Variants in PTPRC observed in about 807,000 individuals in gnomAD.
The protein encoded by PTPRC is receptor-type tyrosine-protein phosphatase C.
In PTPRC, 44 loss-of-function variants were observed where a neutral mutation model predicts 155.9. That is an observed-to-expected ratio of 0.28 (90% confidence interval 0.22 to 0.36). The LOEUF (loss-of-function observed/expected upper bound fraction) is 0.36, where lower values mean the gene tolerates loss of function less well. Among genes scored for constraint, PTPRC ranks in the 10% least tolerant of loss-of-function variants. The pLI, the probability that PTPRC is intolerant of heterozygous loss-of-function variation, is 1.00. For synonymous variants in PTPRC, 525 were observed against 533.1 expected, an observed-to-expected ratio of 0.98 and a Z score of 0.21; for missense variants, 1,401 against 1,564.6, an observed-to-expected ratio of 0.90 and a Z score of 1.76.
chr1:198,686,026 A>G (rs1665606006), intron 2 of PTPRC, among the ~76,000 whole-genome samples: 1 of 151,704 alleles, frequency 6.6e-6, no homozygotes. Flanking sequence ...TGCCGTTTTC[A>G]CTCAAATTGA....
chr1:198,739,165 G>C (rs1022689637), intron 23 of PTPRC, among the ~76,000 whole-genome samples: 5 of 151,484 alleles, frequency 3.3e-5, no homozygotes, highest in African/African-American at 1.2e-4. Flanking sequence ...AAAGAAGGAA[G>C]AGGAGGCCAC....
rs180985677 is a variant in PTPRC, at chr1:198,653,517, G to A, written c.73+14176G>A. Among the ~76,000 whole-genome samples the A allele has an allele frequency of 1.7e-3, 253 of 151,860 alleles. 1 individual carries two copies. Among genetic ancestry groups the A allele is most frequent in the African/African-American group, 5.5e-3 (229 of 41,480 alleles). ...CTGAAATACAGAATGTTCAACCACT[G>A]TCAACATGAACTCCTATTCTGTAAT... is the stretch of plus-strand genomic sequence containing the variant. On this transcript the variant is annotated intron_variant, in intron 2 of 32. Coordinates refer to ENST00000442510, the MANE Select transcript of PTPRC (RefSeq NM_002838.5).
chr1:198,734,320 C>A lies in PTPRC; in HGVS notation c.2180-8C>A, dbSNP rs770724266. The stretch of plus-strand genomic sequence containing the variant: ...TTTCTTATCAGCTTTTATTTGTTTA[C>A]CTCCTAGGTCCCAGGGATGAAACTG... On this transcript the variant is annotated splice_region_variant and splice_polypyrimidine_tract_variant and intron_variant, in intron 21 of 32. Transcript: ENST00000442510. 1.2e-6 allele frequency: 2 copies of A among 1,610,726 alleles called. No individual in the cohort carries two copies. The highest frequency in any genetic ancestry group is 2.2e-5 in the South Asian group (2 of 91,006).
At chr1:198,715,738 G>A (rs1386764327) in intron 12 of PTPRC, among the ~76,000 whole-genome samples, 2 of 152,072 alleles carry the variant, frequency 1.3e-5, no homozygotes, top group Non-Finnish European at 2.9e-5. Flanking sequence ...AATAGTTGCA[G>A]TGATGGTTAA....
chr1:198,752,220 A>G (rs1469634686), intron 29 of PTPRC, 29 bp from the exon 30 acceptor site: 2 of 1,604,744 alleles, frequency 1.2e-6, no homozygotes, highest in Admixed American at 1.7e-5. Context: ...AATAGGAAAC[A>G]AATTGTTGAA....
intron 3 of PTPRC, chr1:198,693,080 T>C: frequency 1.0e-6 from 1 of 976,920 alleles, no homozygotes; most frequent in African/African-American, 1.7e-5. Context: ...AGAAGGTAAG[T>C]AAAACAATGA....
At chr1:198,739,394 T>C (rs957829421) in intron 23 of PTPRC, among the ~76,000 whole-genome samples, 4 of 151,684 alleles carry the variant, frequency 2.6e-5, no homozygotes, top group Non-Finnish European at 5.9e-5. Context: ...ATTATATTCT[T>C]TGTAAATGGA....
chr1:198,640,355 C>A (rs115688042), intron 2 of PTPRC, among the ~76,000 whole-genome samples: 1,543 of 151,866 alleles, frequency 0.01, 24 homozygotes, highest in African/African-American at 0.036. Flanking sequence ...ACTTTGAAGT[C>A]TTTTTTTGAC....
In PTPRC at chr1:198,756,009, A is replaced by ATGAAG; in HGVS notation, c.3752_3756dup (p.Asp1253LysfsTer5). On this transcript the variant is annotated frameshift_variant, in exon 33 of 33. Coordinates refer to ENST00000442510, the MANE Select transcript of PTPRC (RefSeq NM_002838.5). LOFTEE classifies it low-confidence loss of function (END_TRUNC). ...CAAGAAGATAAAATTGAATTTGATA[A>ATGAAG]TGAAGTGGACAAAGTAAAGCAGGAT... 3 of 1,613,448 alleles carry ATGAAG rather than the reference A, an allele frequency of 1.9e-6. No individual in the cohort carries two copies. Among genetic ancestry groups the ATGAAG allele is most frequent in the Non-Finnish European group, 2.5e-6 (3 of 1,179,626 alleles).
intron 23 of PTPRC, among the ~76,000 whole-genome samples, chr1:198,737,158 A>G (rs75398995): frequency 6.6e-6 from 1 of 151,486 alleles, no homozygotes; most frequent in Admixed American, 6.6e-5. Flanking sequence ...CACTTTGTTG[A>G]TTGTTTTCTT....
chr1:198,671,326 T>C (rs1457770466), intron 2 of PTPRC, among the ~76,000 whole-genome samples: 2 of 152,148 alleles, frequency 1.3e-5, no homozygotes, highest in African/African-American at 4.8e-5. Context: ...CAGAGGCATT[T>C]AACGCTATTG....
At chr1:198,639,469 A>T in intron 2 of PTPRC, 128 bp downstream of exon 2, 1 of 720,782 alleles carries the variant, frequency 1.4e-6, no homozygotes, top group Non-Finnish European at 2.3e-6. Flanking sequence ...AACCATCAAG[A>T]TTGTTGTCTC....
intron 2 of PTPRC, 46 bp from the exon 3 acceptor site, chr1:198,692,301 A>G: frequency 7.1e-7 from 1 of 1,410,562 alleles, no homozygotes; most frequent in Non-Finnish European, 9.6e-7. Flanking sequence ...CATTAATATG[A>G]ATGAAATTTG....
At chr1:198,656,646 GT>G (rs1017437706) in intron 2 of PTPRC, among the ~76,000 whole-genome samples, 1 of 86,514 alleles carries the variant, frequency 1.2e-5, no homozygotes, top group Non-Finnish European at 2.2e-5. Context: ...CTAGTTTTTT[GT>G]TTTTTGTTTT....
chr1:198,665,222 G>A (rs1664219788), intron 2 of PTPRC, among the ~76,000 whole-genome samples: 1 of 150,798 alleles, frequency 6.6e-6, no homozygotes, highest in African/African-American at 2.4e-5. Context: ...CCCGAGTAGG[G>A]GGGACTACAG....
intron 26 of PTPRC, 38 bp downstream of exon 26, chr1:198,744,241 A>G (rs367724625): frequency 6.4e-7 from 1 of 1,553,714 alleles, no homozygotes; most frequent in Non-Finnish European, 8.8e-7. Context: ...ATTACAGATA[A>G]CTTTTATTCA....
intron 2 of PTPRC, among the ~76,000 whole-genome samples, chr1:198,645,662 A>G (rs1662900686): frequency 6.6e-6 from 1 of 151,830 alleles, no homozygotes; most frequent in Non-Finnish European, 1.5e-5. Flanking sequence ...CTTTTAGCAT[A>G]AACTTGATTC....
chr1:198,665,235 G>T (rs1037978369), intron 2 of PTPRC, among the ~76,000 whole-genome samples: 1 of 150,618 alleles, frequency 6.6e-6, no homozygotes, highest in Admixed American at 6.6e-5. Flanking sequence ...GACTACAGGC[G>T]CCCGCCGCCA....
intron 12 of PTPRC, among the ~76,000 whole-genome samples, chr1:198,716,008 C>T (rs1653568130): frequency 6.6e-6 from 1 of 152,126 alleles, no homozygotes; most frequent in African/African-American, 2.4e-5. Context: ...ATATGCCTCC[C>T]CAGCCAGAGC....
Sources: gnomAD v4.1 joint callset for allele counts (sites outside exome capture counted in the v4.1 genomes callset) on GRCh38, gnomAD v4.1.1 for gene constraint, MANE v1.5 for transcripts, NCBI Gene and HGNC (gene_info 2026-07-23, HGNC 2026-07-21) for gene names.